CDC42: variants seen among roughly 807,000 people sequenced by gnomAD.
CDC42 encodes cell division control protein 42 homolog.
In CDC42, 1 loss-of-function variant was observed where a neutral mutation model predicts 20.8. The observed-to-expected ratio is 0.05, with a 90% CI of 0.02 to 0.23. CDC42 has a LOEUF of 0.23. Among genes scored for constraint, CDC42 ranks in the 10% least tolerant of loss-of-function variants. The probability of loss-of-function intolerance (pLI) is 1.00; values close to 1 mark genes in which losing one functional copy is unlikely to be tolerated. For missense variants in CDC42, 49 were observed against 227.9 expected, an observed-to-expected ratio of 0.21 and a Z score of 5.05; for synonymous variants, 72 against 84.8, an observed-to-expected ratio of 0.85 and a Z score of 0.83.
chr1:22,091,815 T>G lies in CDC42; in HGVS notation c.*298T>G, dbSNP rs2124055810. The G allele has an allele frequency of 5.3e-6, 1 of 190,312 alleles. No homozygotes were observed. Among genetic ancestry groups the G allele is most frequent in the South Asian group, 1.6e-4 (1 of 6,300 alleles). The allele number at this position is 190,312 out of a possible 1,614,324, so 11.8% of individuals were successfully genotyped here. ...TGTGTTTTTTTTTTTTTTTTTTTTG[T>G]TGTTTAAAAGCAAGGCATGCTTGTG... On this transcript the variant is annotated 3_prime_UTR_variant, in exon 6 of 6. Coordinates refer to ENST00000656825, the MANE Select transcript of CDC42 (RefSeq NM_001791.4).
Position 22,095,516 on chromosome 1 carries a change from G to A in CDC42, c.*3999G>A, listed in dbSNP as rs1360579552. On this transcript the variant is annotated 3_prime_UTR_variant, in exon 6 of 6. Transcript: ENST00000656825. Reference sequence around the variant, plus strand: ...GATCTCCTGACCTCGTGATCCGCCCGCCTTGGCCTCCCAAAGTGCTAGGAT... The same window carrying A: ...GATCTCCTGACCTCGTGATCCGCCCACCTTGGCCTCCCAAAGTGCTAGGAT... 1.3e-5 allele frequency among the ~76,000 whole-genome samples: 2 copies of A among 152,036 alleles called. No individual in the cohort carries two copies. Among genetic ancestry groups the A allele is most frequent in the Non-Finnish European group, 2.9e-5 (2 of 68,002 alleles).
Position 22,098,140 on chromosome 1 carries a change from G to T in CDC42, c.*6623G>T, listed in dbSNP as rs1173036877. Among the ~76,000 whole-genome samples the T allele has an allele frequency of 6.6e-6, 1 of 152,126 alleles. No individual in the cohort carries two copies. Among genetic ancestry groups the T allele is most frequent in the Non-Finnish European group, 1.5e-5 (1 of 68,030 alleles). ...TAGGATTTACTCTCAATCTTTAGGG[G>T]TAGAGACTAGGAGCCTACATTTTGA... On this transcript the variant is annotated 3_prime_UTR_variant, in exon 6 of 6. Transcript: ENST00000656825.
chr1:22,087,962 G>T (rs1645677449), intron 5 of CDC42, among the ~76,000 whole-genome samples: 1 of 152,154 alleles, frequency 6.6e-6, no homozygotes, highest in African/African-American at 2.4e-5. Flanking sequence ...ATGCTTAACT[G>T]GGATATCCCT....
chr1:22,073,988 C>G (rs112076779), intron 1 of CDC42: 1 of 152,100 alleles, frequency 6.6e-6, no homozygotes, highest in African/African-American at 2.4e-5. Context: ...TTGCCCAACC[C>G]CAATTCTAAG....
At chr1:22,079,690 G>A (rs570531736) in intron 2 of CDC42, among the ~76,000 whole-genome samples, 1 of 152,162 alleles carries the variant, frequency 6.6e-6, no homozygotes, top group Non-Finnish European at 1.5e-5. Flanking sequence ...ACGTTTTGAG[G>A]TTCAGTGGAC....
chr1:22,068,235 C>T (rs543357271), intron 1 of CDC42: 1 of 152,780 alleles, frequency 6.5e-6, no homozygotes, highest in South Asian at 2.1e-4. Flanking sequence ...TACAAATAAA[C>T]GTTATAGTAT....
At position 22,091,791 on chromosome 1, in the gene CDC42, G is replaced by GTTTTTTTTTTTTTTTTTTT. The variant is rs150558595; in HGVS notation, c.*275_*276insTTTTTTTTTTTTTTTTTTT. 3.9e-5 allele frequency: 3 copies of GTTTTTTTTTTTTTTTTTTT among 77,880 alleles called. No homozygotes were observed. Among genetic ancestry groups the GTTTTTTTTTTTTTTTTTTT allele is most frequent in the African/African-American group, 5.4e-5 (1 of 18,610 alleles). The allele number at this position is 77,880 out of a possible 1,614,324, so 4.8% of individuals were successfully genotyped here. A position where few individuals can be genotyped will look rare whatever the true frequency, so the allele number is the denominator to read the frequency against. ...TCAAAAAAAAAATTTTTGTGTGTGTGTGTTTTTTTTTTTTTTTTTTTTGTT... is the reference window on the plus strand; with the variant it reads ...TCAAAAAAAAAATTTTTGTGTGTGTGTTTTTTTTTTTTTTTTTTTTGTTTTTTTTTTTTTTTTTTTTGTT... On this transcript the variant is annotated 3_prime_UTR_variant, in exon 6 of 6. Coordinates refer to ENST00000656825, the MANE Select transcript of CDC42 (RefSeq NM_001791.4).
At position 22,094,373 on chromosome 1, in the gene CDC42, C is replaced by T. The variant is rs1178159608; in HGVS notation, c.*2856C>T. On this transcript the variant is annotated 3_prime_UTR_variant, in exon 6 of 6. Coordinates refer to ENST00000656825, the MANE Select transcript of CDC42 (RefSeq NM_001791.4). The stretch of plus-strand genomic sequence containing the variant: ...AGTGCAGTGGCGCGATCTCGGCTCA[C>T]TGCAAGCTCCGCCTCCCGGGTTCAC... Among the ~76,000 whole-genome samples, 3 of 115,066 alleles carry T rather than the reference C, an allele frequency of 2.6e-5. No homozygotes were observed. Among genetic ancestry groups the T allele is most frequent in the African/African-American group, 1.1e-4 (3 of 27,680 alleles). 75.5% of individuals were successfully genotyped at this position (115,066 alleles called of 152,430 possible).
chr1:22,075,847 C>T (rs768329312), intron 1 of CDC42, among the ~76,000 whole-genome samples: 2 of 152,150 alleles, frequency 1.3e-5, no homozygotes, highest in Admixed American at 6.5e-5. Context: ...GGACTCACAA[C>T]CAACCAGTTT....
chr1:22,090,811 C>T (rs1227733583), intron 5 of CDC42: 9 of 984,778 alleles, frequency 9.1e-6, no homozygotes, highest in Non-Finnish European at 9.6e-6. Flanking sequence ...GTATAAATGC[C>T]TGATGAAGCT....
rs1645663430 is a variant in CDC42 at position 22,086,476 on chromosome 1, T to C, written c.216T>C (p.Tyr72=). The stretch of plus-strand genomic sequence containing the variant: ...ATGACAGATTACGACCGCTGAGTTA[T>C]CCACAAACAGATGTATTTCTAGTCT... ...EDYDRLRPLS[Y]PQTDVFLVCF... is the part of the protein sequence containing the mutation. Residue 72 remains tyrosine (Y), a synonymous_variant, in exon 4 of 6, where the codon TAT becomes TAC. Transcript: ENST00000656825. 1.9e-6 allele frequency: 3 copies of C among 1,607,870 alleles called. No homozygotes were observed. The highest frequency in any genetic ancestry group is 2.7e-5 in the African/African-American group (2 of 74,750).
chr1:22,054,984 C>T (rs1403732827), intron 1 of CDC42, among the ~76,000 whole-genome samples: 2 of 98,046 alleles, frequency 2.0e-5, no homozygotes, highest in Admixed American at 3.1e-4. Context: ...GAAGGAGTCT[C>T]GCTCTGTCTC....
In CDC42 at chr1:22,093,178, A is replaced by G. The variant is rs1333261830; in HGVS notation, c.*1661A>G. Among the ~76,000 whole-genome samples the G allele has an allele frequency of 1.3e-5, 2 of 152,198 alleles. No homozygotes were observed. Among genetic ancestry groups the G allele is most frequent in the African/African-American group, 4.8e-5 (2 of 41,438 alleles). ...CTTCCCTTAAATACCAAGTAGGTCCATAATAATTCTTAGTGAAGCAGTGTT... is the reference window on the plus strand; with the variant it reads ...CTTCCCTTAAATACCAAGTAGGTCCGTAATAATTCTTAGTGAAGCAGTGTT... On this transcript the variant is annotated 3_prime_UTR_variant, in exon 6 of 6. Transcript: ENST00000656825.
intron 1 of CDC42, among the ~76,000 whole-genome samples, chr1:22,054,942 T>C (rs1256738289): frequency 1.2e-4 from 4 of 32,314 alleles, no homozygotes; most frequent in African/African-American, 6.1e-4. Flanking sequence ...TTTTTTTTTT[T>C]TTTTTTTTTT....
At position 22,095,222 on chromosome 1, in the gene CDC42, T is replaced by G. The variant is rs1227590307; in HGVS notation, c.*3705T>G. ...CTACCCGACTTCAGATCATGGTGAT[T>G]TAATTACATGGCCCAATCATGTTTT... On this transcript the variant is annotated 3_prime_UTR_variant, in exon 6 of 6. Transcript: ENST00000656825. Among the ~76,000 whole-genome samples the G allele has an allele frequency of 6.6e-6, 1 of 152,178 alleles. No homozygotes were observed. The highest frequency in any genetic ancestry group is 1.9e-4 in the East Asian group (1 of 5,198).
At position 22,101,236 on chromosome 1, in the gene CDC42, G is replaced by C. The variant is rs1362647636; in HGVS notation, c.*9719G>C. ...CTCCCATGGTAGTAATAACACTGTT[G>C]GAAAGAGCTCTCAGTTGGAAGTTGA... is the stretch of plus-strand genomic sequence containing the variant. On this transcript the variant is annotated 3_prime_UTR_variant, in exon 6 of 6. Transcript: ENST00000656825. The C allele has an allele frequency of 6.6e-6, 1 of 152,174 alleles. No individual in the cohort carries two copies. Among genetic ancestry groups the C allele is most frequent in the Non-Finnish European group, 1.5e-5 (1 of 68,040 alleles). The allele number at this position is 152,174 out of a possible 1,614,324, so 9.4% of individuals were successfully genotyped here. A position where few individuals can be genotyped will look rare whatever the true frequency, so the allele number is the denominator to read the frequency against.
intron 3 of CDC42, among the ~76,000 whole-genome samples, chr1:22,082,102 C>G (rs564097500): frequency 1.3e-5 from 2 of 152,230 alleles, no homozygotes; most frequent in South Asian, 4.1e-4. Flanking sequence ...GAACTGGGGA[C>G]TGCATTAGTG....
Position 22,096,951 on chromosome 1 carries a change from A to G in CDC42, c.*5434A>G, listed in dbSNP as rs1312243049. Among the ~76,000 whole-genome samples, 1 of 152,236 alleles carries G rather than the reference A, an allele frequency of 6.6e-6. No homozygotes were observed. Among genetic ancestry groups the G allele is most frequent in the Admixed American group, 6.5e-5 (1 of 15,286 alleles). ...AGTTCATACACAATGTTGTATTGAGATGATTGTTATTCTACATTGTATTTA... is the reference window on the plus strand; with the variant it reads ...AGTTCATACACAATGTTGTATTGAGGTGATTGTTATTCTACATTGTATTTA... On this transcript the variant is annotated 3_prime_UTR_variant, in exon 6 of 6. Transcript: ENST00000656825.
chr1:22,085,771 A>G (rs1446696798), intron 3 of CDC42, among the ~76,000 whole-genome samples: 1 of 152,140 alleles, frequency 6.6e-6, no homozygotes, highest in Non-Finnish European at 1.5e-5. Context: ...CTCTGTTTGT[A>G]GTCATGATGG....
Sources: allele counts gnomAD v4.1 joint callset (sites outside exome capture counted in the v4.1 genomes callset), GRCh38; gene constraint gnomAD v4.1.1; transcripts MANE v1.5; gene names NCBI Gene and HGNC (gene_info 2026-07-23, HGNC 2026-07-21).